HPSE2: variants seen among roughly 807,000 people sequenced by gnomAD.
HPSE2 encodes the protein inactive heparanase-2.
A neutral mutation model predicts 60.5 loss-of-function variants in HPSE2; 38 were observed. The ratio of observed to expected loss-of-function variants is 0.63; its 90% CI spans 0.48 to 0.82. HPSE2 has a LOEUF of 0.82. Ranked by LOEUF, HPSE2 falls within the 40% of genes least tolerant of loss-of-function variation. The pLI, the probability that HPSE2 is intolerant of heterozygous loss-of-function variation, is 0.00. For missense variants in HPSE2, 713 were observed against 740.4 expected (o/e 0.96, Z 0.43); for synonymous variants, 295 against 293.2 (o/e 1.01, Z -0.06).
At chr10:98,847,498 C>T (rs1289299146) in intron 3 of HPSE2, among the ~76,000 whole-genome samples, 1 of 152,210 alleles carries the variant, frequency 6.6e-6, no homozygotes, top group Non-Finnish European at 1.5e-5. Context: ...TTGACCACTA[C>T]CCCAGGCATG....
chr10:99,230,426 T>A (rs1057218920), intron 2 of HPSE2, among the ~76,000 whole-genome samples: 1 of 152,152 alleles, frequency 6.6e-6, no homozygotes, highest in Non-Finnish European at 1.5e-5. Context: ...AGATATTTAA[T>A]GCCAGGTTGG....
intron 3 of HPSE2, among the ~76,000 whole-genome samples, chr10:98,897,912 A>G (rs1953541561): frequency 6.6e-6 from 1 of 152,124 alleles, no homozygotes; most frequent in Admixed American, 6.6e-5. Flanking sequence ...AAAGCCACAG[A>G]CTGGGCAAAA....
chr10:98,905,482 C>T (rs959401565), intron 3 of HPSE2, among the ~76,000 whole-genome samples: 3 of 152,038 alleles, frequency 2.0e-5, no homozygotes, highest in Admixed American at 2.0e-4. Context: ...ACAAACTAAA[C>T]TTAGGAAAAG....
intron 6 of HPSE2, among the ~76,000 whole-genome samples, chr10:98,684,887 GA>G (rs1334737054): frequency 6.6e-6 from 1 of 151,774 alleles, no homozygotes; most frequent in Non-Finnish European, 1.5e-5. Flanking sequence ...TACATCCAAG[GA>G]TTAACACTCC....
chr10:98,884,337 G>C (rs551438075), intron 3 of HPSE2, among the ~76,000 whole-genome samples: 1 of 152,246 alleles, frequency 6.6e-6, no homozygotes, highest in South Asian at 2.1e-4. Context: ...AATTGTTGAA[G>C]GTGGCTACAC....
At chr10:99,291,582 G>T in the HPSE2 span, among the ~76,000 whole-genome samples, 1 of 115,804 alleles carries the variant, frequency 8.6e-6, no homozygotes, top group East Asian at 2.5e-4. Flanking sequence ...GACTCCATCT[G>T]AAAAAAAAAA....
At chr10:98,559,680 G>A (rs778665967) in intron 9 of HPSE2, among the ~76,000 whole-genome samples, 15 of 152,144 alleles carry the variant, frequency 9.9e-5, no homozygotes, top group South Asian at 4.1e-4. Flanking sequence ...GGTGAATGAC[G>A]GGATAGTCTT....
intron 4 of HPSE2, among the ~76,000 whole-genome samples, chr10:98,727,196 C>T (rs993470681): frequency 6.6e-6 from 1 of 152,026 alleles, no homozygotes; most frequent in African/African-American, 2.4e-5. Flanking sequence ...CAGAGTTGGT[C>T]CAGTATATTA....
intron 3 of HPSE2, among the ~76,000 whole-genome samples, chr10:98,965,801 T>C (rs7914405): frequency 0.76 from 116,308 of 152,164 alleles, 44,824 homozygotes; most frequent in East Asian, 0.86. Context: ...ATCATTCTAG[T>C]AACATTACAT....
the HPSE2 span, among the ~76,000 whole-genome samples, chr10:99,297,474 C>T: frequency 4.5e-4 from 68 of 152,356 alleles, no homozygotes; most frequent in South Asian, 1.7e-3. Flanking sequence ...TTAGAAGTCC[C>T]TCATTGTTTG....
At chr10:98,580,582 T>C (rs1210462533) in intron 9 of HPSE2, among the ~76,000 whole-genome samples, 2 of 152,148 alleles carry the variant, frequency 1.3e-5, no homozygotes, top group East Asian at 3.9e-4. Flanking sequence ...GCTTTTAATA[T>C]ATAATGTAGC....
At chr10:98,539,378 G>A (rs1002354323) in intron 9 of HPSE2, among the ~76,000 whole-genome samples, 2 of 152,062 alleles carry the variant, frequency 1.3e-5, no homozygotes, top group South Asian at 2.1e-4. Context: ...AACATTAGCC[G>A]GGCGTGGTGG....
chr10:99,300,987 G>C, the HPSE2 span, among the ~76,000 whole-genome samples: 1 of 152,162 alleles, frequency 6.6e-6, no homozygotes, highest in African/African-American at 2.4e-5. Flanking sequence ...GTATAGATTT[G>C]TTCAGGATCT....
chr10:98,617,058 G>A (rs1444217462), intron 8 of HPSE2, among the ~76,000 whole-genome samples: 1 of 152,148 alleles, frequency 6.6e-6, no homozygotes, highest in East Asian at 1.9e-4. Context: ...AAAGCAAATT[G>A]TCTTATTCAA....
intron 3 of HPSE2, among the ~76,000 whole-genome samples, chr10:99,102,389 G>T (rs1844038951): frequency 6.6e-6 from 1 of 152,070 alleles, no homozygotes; most frequent in South Asian, 2.1e-4. Context: ...TAGAAGAAAT[G>T]GATAAATTCC....
chr10:98,857,614 A>C (rs1952349173), intron 3 of HPSE2, among the ~76,000 whole-genome samples: 2 of 152,192 alleles, frequency 1.3e-5, no homozygotes, highest in South Asian at 4.1e-4. Context: ...TTTTAAAAAA[A>C]CTGTGTCATG....
intron 2 of HPSE2, among the ~76,000 whole-genome samples, chr10:99,157,853 TC>T (rs1846642625): frequency 8.5e-6 from 1 of 118,260 alleles, no homozygotes; most frequent in Non-Finnish European, 1.9e-5. Context: ...AACCTACTCA[TC>T]TGACAAAGGG....
intron 3 of HPSE2, among the ~76,000 whole-genome samples, chr10:98,813,027 A>T (rs534335888): frequency 5.3e-5 from 8 of 152,016 alleles, no homozygotes; most frequent in Admixed American, 3.9e-4. Flanking sequence ...ATAAGGCTGA[A>T]CTCTTGACAA....
At chr10:98,965,778 G>A in intron 3 of HPSE2, among the ~76,000 whole-genome samples, 1 of 152,136 alleles carries the variant, frequency 6.6e-6, no homozygotes, top group East Asian at 1.9e-4. Context: ...AACTTTTCAT[G>A]TATTCAGAAT....
Sources: gnomAD v4.1 joint callset for allele counts (sites outside exome capture counted in the v4.1 genomes callset) on GRCh38, gnomAD v4.1.1 for gene constraint, MANE v1.5 for transcripts, NCBI Gene and HGNC (gene_info 2026-07-23, HGNC 2026-07-21) for gene names.